Variants in PDILT observed in about 807,000 individuals in gnomAD.
The protein encoded by PDILT is protein disulfide isomerase like, testis expressed.
Under a neutral mutation model 53.7 loss-of-function variants are expected in PDILT, and 43 were observed. The ratio of observed to expected loss-of-function variants is 0.80; its 90% confidence interval spans 0.63 to 1.03. The LOEUF (loss-of-function observed/expected upper bound fraction) is 1.03, where lower values mean the gene tolerates loss of function less well. Among genes scored for constraint, PDILT ranks in the 50% least tolerant of loss-of-function variants. The pLI, the probability that PDILT is intolerant of heterozygous loss-of-function variation, is 0.00. For synonymous variants in PDILT, 282 were observed against 274.2 expected (o/e 1.03, Z -0.28); for missense variants, 727 against 712.3 (o/e 1.02, Z -0.24).
At position 20,365,475 on chromosome 16, in the gene PDILT, C is replaced by A; in HGVS notation, c.1182G>T (p.Gly394=). The part of the protein sequence containing the change: ...WDQGLVKQLV[G]KNFNVVVFDK... ...CAAAGACGACTACGTTGAAGTTCTT[C>A]CCCACGAGCTGCTTAACCAGTCCCT... Residue 394 remains glycine, a synonymous_variant, in exon 9 of 12, where the codon GGG becomes GGT. Coordinates refer to ENST00000302451, the MANE Select transcript of PDILT (RefSeq NM_174924.2). 6.2e-7 allele frequency: 1 copy of A among 1,613,908 alleles called. No individual in the cohort carries two copies. Among genetic ancestry groups the A allele is most frequent in the Non-Finnish European group, 8.5e-7 (1 of 1,179,772 alleles).
At chr16:20,390,739 A>G (rs563256842) in intron 2 of PDILT, 16 of 152,362 alleles carry the variant, frequency 1.1e-4, no homozygotes, top group African/African-American at 3.8e-4. Context: ...TGATCAGCAC[A>G]GTGCAAGAAG....
chr16:20,404,169 T>C (rs9635488), intron 1 of PDILT, among the ~76,000 whole-genome samples: 11,551 of 152,218 alleles, frequency 0.076, 825 homozygotes, highest in East Asian at 0.27. Context: ...AATGAATGAA[T>C]GAATGGCCTA....
At chr16:20,389,362 G>A (rs1218314529) in intron 2 of PDILT, among the ~76,000 whole-genome samples, 2 of 152,184 alleles carry the variant, frequency 1.3e-5, no homozygotes, top group East Asian at 3.8e-4. Context: ...GTCTCAGAGT[G>A]ATCCTACAAA....
intron 10 of PDILT, among the ~76,000 whole-genome samples, chr16:20,362,186 A>G (rs970560965): frequency 9.9e-5 from 15 of 152,238 alleles, no homozygotes; most frequent in Non-Finnish European, 2.1e-4. Flanking sequence ...TGGTTGGGTC[A>G]GGGATATGCA....
At chr16:20,370,130 A>G (rs1966282608) in intron 7 of PDILT, among the ~76,000 whole-genome samples, 2 of 152,352 alleles carry the variant, frequency 1.3e-5, no homozygotes, top group Admixed American at 6.5e-5. Context: ...AAATTATTCT[A>G]TCAAGGAAAT....
At chr16:20,401,253 C>T (rs563741172) in intron 1 of PDILT, among the ~76,000 whole-genome samples, 88 of 152,306 alleles carry the variant, frequency 5.8e-4, no homozygotes, top group African/African-American at 1.7e-3. Flanking sequence ...ACTTATCAGC[C>T]CGGACTAAGT....
At chr16:20,401,581 A>G (rs1966740841) in intron 1 of PDILT, among the ~76,000 whole-genome samples, 1 of 152,164 alleles carries the variant, frequency 6.6e-6, no homozygotes, top group South Asian at 2.1e-4. Flanking sequence ...CAGATCTGCA[A>G]AAGCCTCAAG....
intron 2 of PDILT, chr16:20,388,923 A>G (rs1966573023): frequency 6.6e-6 from 1 of 152,216 alleles, no homozygotes; most frequent in East Asian, 1.9e-4. Flanking sequence ...AAAAAAAAAA[A>G]AAAATTGCAA....
At position 20,399,112 on chromosome 16, in the gene PDILT, G is replaced by A. The variant is rs140659319; in HGVS notation, c.189C>T (p.Leu63=). Residue 63 remains leucine, a synonymous_variant, in exon 2 of 12, where the codon CTC becomes CTT. Transcript: ENST00000302451. ...LTQMLNQTRF[L]MVLFHNPSSK... The stretch of plus-strand genomic sequence containing the variant: ...GGGGGCACTCACGGAAAAGCACCAT[G>A]AGGAAGCGGGTCTGGTTCAGCATCT... 8.1e-6 allele frequency: 13 copies of A among 1,614,064 alleles called. No homozygotes were observed. In the African/African-American group the frequency reaches 1.3e-4, roughly 17 times the overall value.
chr16:20,369,532 A>C lies in PDILT; in HGVS notation c.1076T>G (p.Leu359Arg). The C allele has an allele frequency of 6.2e-7, 1 of 1,614,178 alleles. No individual in the cohort carries two copies. The highest frequency in any genetic ancestry group is 8.5e-7 in the Non-Finnish European group (1 of 1,180,012). ...MPSDDITYES[L>R]KKFGRSFLSK... ...CAGGAAGCTGCGGCCAAATTTCTTGAGGCTTTCGTAGGTTATGTCATCTGA... is the reference window on the plus strand; with the variant it reads ...CAGGAAGCTGCGGCCAAATTTCTTGCGGCTTTCGTAGGTTATGTCATCTGA... Residue 359 changes from leucine (L) to arginine (R), a missense_variant, in exon 8 of 12, where the codon CTC becomes CGC. Leu to Arg is a moderately radical substitution (Grantham distance 102, BLOSUM62 -2). Transcript: ENST00000302451.
rs9929300 is a variant in PDILT, at chr16:20,400,066, A to T, written c.-7-759T>A. ...TCTATCTATCTATCTATATATATAT[A>T]TATATATTTTTTGAGACGGAGTTTT... On this transcript the variant is annotated intron_variant, in intron 1 of 11. Coordinates refer to ENST00000302451, the MANE Select transcript of PDILT (RefSeq NM_174924.2). Among the ~76,000 whole-genome samples, 321 of 128,442 alleles carry T rather than the reference A, an allele frequency of 2.5e-3. 2 individuals carry two copies. Among genetic ancestry groups the T allele is most frequent in the African/African-American group, 7.2e-3 (254 of 35,202 alleles). The allele number at this position is 128,442 out of a possible 152,430, so 84.3% of individuals were successfully genotyped here. A position where few individuals can be genotyped will look rare whatever the true frequency, so the allele number is the denominator to read the frequency against.
intron 10 of PDILT, 36 bp downstream of exon 10, chr16:20,362,368 T>C (rs1479427300): frequency 6.2e-7 from 1 of 1,606,198 alleles, no homozygotes; most frequent in Non-Finnish European, 8.5e-7. Context: ...TAACATAACA[T>C]TGTTTTCAGC....
intron 2 of PDILT, among the ~76,000 whole-genome samples, chr16:20,389,235 A>G (rs2141615132): frequency 6.6e-6 from 1 of 152,136 alleles, no homozygotes. Context: ...CTCATCAAAA[A>G]GAGGCAGTTA....
At chr16:20,363,675 A>G (rs926504262) in intron 9 of PDILT, among the ~76,000 whole-genome samples, 5 of 151,186 alleles carry the variant, frequency 3.3e-5, no homozygotes, top group African/African-American at 1.2e-4. Flanking sequence ...ATATAACATA[A>G]CATATAGATA....
chr16:20,376,327 A>G, intron 3 of PDILT, 126 bp from the exon 4 acceptor site: 2 of 1,115,862 alleles, frequency 1.8e-6, no homozygotes, highest in African/African-American at 1.6e-5. Flanking sequence ...TTGAAGGCCA[A>G]AGTCAGTTCC....
chr16:20,375,901 T>C (rs1485620610), intron 4 of PDILT, among the ~76,000 whole-genome samples, 167 bp downstream of exon 4: 1 of 152,238 alleles, frequency 6.6e-6, no homozygotes, highest in Non-Finnish European at 1.5e-5. Context: ...TTCTCTCTTT[T>C]CTTTCCATTC....
intron 2 of PDILT, 24 bp from the exon 3 acceptor site, chr16:20,384,875 T>C: frequency 1.2e-6 from 2 of 1,606,816 alleles, no homozygotes; most frequent in Non-Finnish European, 1.7e-6. Context: ...AAGACAAAAT[T>C]TGAGAGGCCT....
At chr16:20,364,296 C>G (rs1299177962) in intron 9 of PDILT, among the ~76,000 whole-genome samples, 1 of 152,232 alleles carries the variant, frequency 6.6e-6, no homozygotes, top group African/African-American at 2.4e-5. Flanking sequence ...AGCCACAGAC[C>G]TTAAGCACCT....
chr16:20,382,195 G>A (rs777040425), intron 3 of PDILT, among the ~76,000 whole-genome samples: 2 of 152,146 alleles, frequency 1.3e-5, no homozygotes, highest in Non-Finnish European at 2.9e-5. Context: ...ACTGCACCTG[G>A]CTCAAAAACT....
Sources: gnomAD v4.1 joint callset for allele counts (sites outside exome capture counted in the v4.1 genomes callset) on GRCh38, gnomAD v4.1.1 for gene constraint, MANE v1.5 for transcripts, NCBI Gene and HGNC (gene_info 2026-07-23, HGNC 2026-07-21) for gene names.